ERAP1: variants seen among roughly 807,000 people sequenced by gnomAD.
The protein encoded by ERAP1 is adipocyte-derived leucine aminopeptidase.
In ERAP1, 86 loss-of-function variants were observed where a neutral mutation model predicts 103.7. The observed-to-expected ratio is 0.83, with a 90% confidence interval of 0.70 to 0.99. ERAP1 has a LOEUF of 0.99. Ranked by LOEUF, ERAP1 falls within the 50% of genes least tolerant of loss-of-function variation. The probability of loss-of-function intolerance (pLI) is 0.00; values close to 1 mark genes in which losing one functional copy is unlikely to be tolerated. For synonymous variants in ERAP1, 398 were observed against 402.4 expected (o/e 0.99, Z 0.13); for missense variants, 1,009 against 1,128.4 (o/e 0.89, Z 1.52).
At chr5:96,763,348 GTGTGTA>G (rs1768688563) in intron 19 of ERAP1, 1 of 744,300 alleles carries the variant, frequency 1.3e-6, no homozygotes, top group Admixed American at 1.8e-5. Flanking sequence ...TGCCCCGTGT[GTGTGTA>G]TGTGCATGTG....
chr5:96,815,407 G>A, the ERAP1 span, among the ~76,000 whole-genome samples: 3 of 105,458 alleles, frequency 2.8e-5, no homozygotes, highest in Non-Finnish European at 6.2e-5. Flanking sequence ...TGTTTGTTTT[G>A]TTTTTTATTT....
the ERAP1 span, among the ~76,000 whole-genome samples, chr5:96,824,043 A>G: frequency 6.6e-6 from 1 of 152,220 alleles, no homozygotes; most frequent in African/African-American, 2.4e-5. Context: ...CCTATCCCAG[A>G]CAAGTCAGAG....
downstream of ERAP1, chr5:96,770,587 G>A (rs766520771): frequency 2.4e-5 from 39 of 1,611,216 alleles, no homozygotes; most frequent in Admixed American, 6.7e-5. Context: ...GAGGTAAAGC[G>A]AAGGATTCAG....
At chr5:96,902,072 C>T in the ERAP1 span, among the ~76,000 whole-genome samples, 27 of 152,328 alleles carry the variant, frequency 1.8e-4, 1 homozygote, top group Non-Finnish European at 1.6e-4. Context: ...GATATGGCTG[C>T]TCCTTTATAA....
the ERAP1 span, among the ~76,000 whole-genome samples, chr5:96,837,336 A>G: frequency 1.3e-5 from 2 of 152,238 alleles, no homozygotes; most frequent in African/African-American, 4.8e-5. Context: ...AAGTTATTGT[A>G]CAGAACACAA....
chr5:96,883,345 A>G, the ERAP1 span, among the ~76,000 whole-genome samples: 1 of 152,186 alleles, frequency 6.6e-6, no homozygotes, highest in African/African-American at 2.4e-5. Flanking sequence ...CTTCCTGGAA[A>G]TACAACTTAG....
Position 96,775,199 on chromosome 5 carries a change from T to TATC in ERAP1, c.*1194_*1196dup, listed in dbSNP as rs1290829694. The TATC allele has an allele frequency of 1.4e-5, 14 of 985,544 alleles. 1 individual carries two copies. In the Admixed American group the frequency reaches 2.5e-4, roughly 17 times the overall value. 61.0% of individuals were successfully genotyped at this position (985,544 alleles called of 1,614,324 possible). ...GTTAGTAAACTGTGCTTTCTATTAT[T>TATC]ATCATCTATACATAAAACCTGAGCA... On this transcript the variant is annotated 3_prime_UTR_variant, in exon 19 of 19. Transcript: ENST00000443439.
intron 1 of ERAP1, 135 bp downstream of exon 1, chr5:96,807,725 C>CCTCCCGCGCCCCGTCTCCT: frequency 1.8e-6 from 1 of 541,076 alleles, no homozygotes; most frequent in Non-Finnish European, 2.4e-6. Context: ...CCCCGTCTCC[C>CCTCCCGCGCCCCGTCTCCT]TCCTCCCGTG....
chr5:96,934,340 T>C, the ERAP1 span: 2 of 152,210 alleles, frequency 1.3e-5, no homozygotes, highest in African/African-American at 2.4e-5. Flanking sequence ...GAGGTGACAT[T>C]TGAGCCGAGA....
chr5:96,806,136 T>A (rs939488365), intron 1 of ERAP1: 1 of 152,236 alleles, frequency 6.6e-6, no homozygotes, highest in Non-Finnish European at 1.5e-5. Flanking sequence ...TCTGTGATCA[T>A]GTTCGTGTGT....
downstream of ERAP1, chr5:96,772,377 A>C (rs1772738734): frequency 6.5e-6 from 1 of 152,904 alleles, no homozygotes; most frequent in Non-Finnish European, 1.5e-5. Context: ...AAAAGAAATC[A>C]AAGTATAGGT....
At chr5:96,858,149 T>C in the ERAP1 span, among the ~76,000 whole-genome samples, 11 of 152,156 alleles carry the variant, frequency 7.2e-5, no homozygotes, top group South Asian at 2.1e-4. Context: ...ATCTGATTAA[T>C]TTGGTTACAG....
At chr5:96,793,705 A>G in intron 6 of ERAP1, 98 bp downstream of exon 6, 1 of 1,287,312 alleles carries the variant, frequency 7.8e-7, no homozygotes, top group Non-Finnish European at 1.1e-6. Flanking sequence ...TCCTATTAAA[A>G]AAAGACAAAG....
the ERAP1 span, among the ~76,000 whole-genome samples, chr5:96,815,416 T>TG: frequency 2.7e-5 from 4 of 145,562 alleles, no homozygotes; most frequent in Non-Finnish European, 4.5e-5. Flanking sequence ...TGTTTTTTAT[T>TG]TTTTTTTTTT....
the ERAP1 span, among the ~76,000 whole-genome samples, chr5:96,856,260 A>G: frequency 1.4e-5 from 2 of 138,790 alleles, no homozygotes; most frequent in Admixed American, 1.5e-4. Context: ...CGGAGATTGC[A>G]GTGAGCCAAG....
chr5:96,901,306 A>G, the ERAP1 span, among the ~76,000 whole-genome samples: 1 of 152,056 alleles, frequency 6.6e-6, no homozygotes. Context: ...TATATCCCTC[A>G]ATTCAAGTAA....
At chr5:96,892,428 T>A in the ERAP1 span, 1 of 1,613,902 alleles carries the variant, frequency 6.2e-7, no homozygotes. Context: ...GTCACCAGAG[T>A]CATAGCCCAT....
At chr5:96,889,341 G>C in the ERAP1 span, 1 of 1,612,484 alleles carries the variant, frequency 6.2e-7, no homozygotes, top group Non-Finnish European at 8.5e-7. Context: ...CTTCATTTTT[G>C]CTCATAAAAC....
chr5:96,770,816 C>T (rs1329237679), downstream of ERAP1, among the ~76,000 whole-genome samples: 1 of 152,096 alleles, frequency 6.6e-6, no homozygotes, highest in Non-Finnish European at 1.5e-5. Flanking sequence ...AATGAATGTT[C>T]TTGACACAAC....
Sources: gnomAD v4.1 joint callset for allele counts (sites outside exome capture counted in the v4.1 genomes callset) on GRCh38, gnomAD v4.1.1 for gene constraint, MANE v1.5 for transcripts, NCBI Gene and HGNC (gene_info 2026-07-23, HGNC 2026-07-21) for gene names.